IL18R1: variants seen among roughly 807,000 people sequenced by gnomAD.
IL18R1 encodes interleukin-18 receptor 1.
In IL18R1, 40 loss-of-function variants were observed where a neutral mutation model predicts 48.5. That is an observed-to-expected ratio of 0.82 (90% CI 0.64 to 1.07). The LOEUF is 1.07. IL18R1 is among the 50% of genes least tolerant of loss of function. The pLI is 0.00. For missense variants in IL18R1, 596 were observed against 633.7 expected (o/e 0.94, Z 0.64); for synonymous variants, 232 against 225.9 (o/e 1.03, Z -0.24).
chr2:102,360,676 T>C (rs771430089), intron 1 of IL18R1, among the ~76,000 whole-genome samples: 1 of 152,150 alleles, frequency 6.6e-6, no homozygotes, highest in Non-Finnish European at 1.5e-5. Flanking sequence ...ATCTCCTACA[T>C]TGAGTGTAAA....
chr2:102,369,724 A>G (rs923895839), intron 3 of IL18R1, among the ~76,000 whole-genome samples: 3 of 152,208 alleles, frequency 2.0e-5, no homozygotes, highest in Non-Finnish European at 4.4e-5. Context: ...TTGATGTGGG[A>G]TCTATCAGTG....
intron 7 of IL18R1, among the ~76,000 whole-genome samples, chr2:102,385,993 C>A (rs896378779): frequency 6.6e-6 from 1 of 152,214 alleles, no homozygotes; most frequent in African/African-American, 2.4e-5. Flanking sequence ...TTTGTCCTCT[C>A]AATGGCCTCC....
intron 5 of IL18R1, among the ~76,000 whole-genome samples, chr2:102,379,979 A>T (rs1278586105): frequency 6.6e-6 from 1 of 152,092 alleles, no homozygotes; most frequent in Non-Finnish European, 1.5e-5. Context: ...ATACTTTGGG[A>T]CTGTTTTTGG....
chr2:102,387,096 C>T, intron 8 of IL18R1, 96 bp downstream of exon 8: 1 of 1,318,220 alleles, frequency 7.6e-7, no homozygotes, highest in Non-Finnish European at 1.1e-6. Context: ...CACACCAGAA[C>T]CCAGCTCCTG....
intron 8 of IL18R1, 67 bp from the exon 9 acceptor site, chr2:102,389,989 G>A (rs377144148): frequency 6.5e-7 from 1 of 1,530,244 alleles, no homozygotes. Context: ...GGACAAGCAC[G>A]TGATGATGGA....
intron 6 of IL18R1, among the ~76,000 whole-genome samples, chr2:102,383,390 A>G (rs1397412818): frequency 6.6e-6 from 1 of 152,232 alleles, no homozygotes; most frequent in Non-Finnish European, 1.5e-5. Flanking sequence ...AGATGTGAAT[A>G]TCTCCAGCTA....
At chr2:102,362,797 G>A in intron 2 of IL18R1, 79 bp downstream of exon 2, 2 of 797,002 alleles carry the variant, frequency 2.5e-6, no homozygotes, top group Non-Finnish European at 4.1e-6. Context: ...TTTATGTGGT[G>A]GCTACTGAAG....
intron 3 of IL18R1, among the ~76,000 whole-genome samples, chr2:102,368,931 G>A (rs1339881488): frequency 6.6e-6 from 1 of 152,288 alleles, no homozygotes; most frequent in South Asian, 2.1e-4. Flanking sequence ...AGCAGAGTGA[G>A]CTACCACTGT....
At chr2:102,371,379 C>G (rs1170149368) in intron 3 of IL18R1, among the ~76,000 whole-genome samples, 1 of 152,134 alleles carries the variant, frequency 6.6e-6, no homozygotes, top group African/African-American at 2.4e-5. Flanking sequence ...ACTATAAAAT[C>G]TATTCACACT....
At chr2:102,396,499 TTAAA>T in intron 10 of IL18R1, 28 bp from the exon 11 acceptor site, 1 of 1,320,610 alleles carries the variant, frequency 7.6e-7, no homozygotes, top group African/African-American at 1.5e-5. Context: ...TTCAGTTATC[TTAAA>T]TTAATAGGGG....
Position 102,392,796 on chromosome 2 carries a change from ATTTCCTTTATAAT to A in IL18R1, c.1112-1662_1112-1650del, listed in dbSNP as rs554402335. Reference sequence around the variant, plus strand: ...GTCCCAAATATCCACTTGAATTATAATTTCCTTTATAATTTTCCTTTATGTTTGAATATAGAGA... The same window carrying A: ...GTCCCAAATATCCACTTGAATTATAATTTCCTTTATGTTTGAATATAGAGA... On this transcript the variant is annotated intron_variant, in intron 9 of 10. Coordinates refer to ENST00000233957, the MANE Select transcript of IL18R1 (RefSeq NM_003855.5). Among the ~76,000 whole-genome samples the A allele has an allele frequency of 1.8e-3, 279 of 152,254 alleles. 3 individuals are homozygous for A. The highest frequency in any genetic ancestry group is 6.3e-3 in the African/African-American group (260 of 41,542).
At position 102,394,565 on chromosome 2, in the gene IL18R1, T is replaced by C; in HGVS notation, c.1208T>C (p.Val403Ala). 1 of 1,613,492 alleles carries C rather than the reference T, an allele frequency of 6.2e-7. No individual in the cohort carries two copies. The highest frequency in any genetic ancestry group is 8.5e-7 in the Non-Finnish European group (1 of 1,179,570). ...TTTGCTGTGGAGATTTTGCCCAGGG[T>C]GTTGGAGAAACATTTTGGGTATAAG... is the stretch of plus-strand genomic sequence containing the variant. ...HTFAVEILPR[V>A]LEKHFGYKLC... The change falls in exon 10 of 11, where the codon GTG becomes GCG. Residue 403 changes from valine (V) to alanine (A), a missense_variant. Physicochemically the swap from Val to Ala is moderately conservative, Grantham distance 64. Transcript: ENST00000233957.
intron 8 of IL18R1, 70 bp from the exon 9 acceptor site, chr2:102,389,986 C>T: frequency 6.7e-7 from 1 of 1,491,414 alleles, no homozygotes; most frequent in Non-Finnish European, 9.2e-7. Context: ...AATGGACAAG[C>T]ACGTGATGAT....
intron 1 of IL18R1, among the ~76,000 whole-genome samples, chr2:102,359,721 A>G (rs1161342925): frequency 6.6e-6 from 1 of 152,218 alleles, no homozygotes; most frequent in Admixed American, 6.5e-5. Context: ...AGAGAATATG[A>G]ATATTGCAAC....
In IL18R1 at chr2:102,357,752, T is replaced by C. The variant is rs1042098238; in HGVS notation, c.-29+1352T>C. On this transcript the variant is annotated intron_variant, in intron 1 of 10. Transcript: ENST00000233957. The stretch of plus-strand genomic sequence containing the variant: ...CCCAGGTAGCACAGGCATAGGCAGA[T>C]TTGGGGGGAAGCATAAGGCTAACAA... Among the ~76,000 whole-genome samples the C allele has an allele frequency of 2.0e-5, 3 of 152,008 alleles. No individual in the cohort carries two copies. The South Asian group carries it at 6.2e-4, about 32-fold the overall frequency.
intron 9 of IL18R1, among the ~76,000 whole-genome samples, chr2:102,391,052 T>C (rs1680545279): frequency 6.6e-6 from 1 of 152,104 alleles, no homozygotes; most frequent in Non-Finnish European, 1.5e-5. Context: ...GCTGGCTCTA[T>C]GCCTCAGTTT....
At chr2:102,377,030 G>A (rs1679629291) in intron 5 of IL18R1, among the ~76,000 whole-genome samples, 1 of 152,228 alleles carries the variant, frequency 6.6e-6, no homozygotes, top group Non-Finnish European at 1.5e-5. Context: ...TTGAAGACAG[G>A]TTGCTTATCC....
At chr2:102,392,405 C>A (rs1478750888) in intron 9 of IL18R1, among the ~76,000 whole-genome samples, 2 of 152,142 alleles carry the variant, frequency 1.3e-5, no homozygotes, top group Non-Finnish European at 2.9e-5. Context: ...GCTAAGATTT[C>A]TTTTTTCCTT....
chr2:102,366,243 G>A (rs10197284), intron 2 of IL18R1, among the ~76,000 whole-genome samples: 117,830 of 152,126 alleles, frequency 0.77, 46,628 homozygotes, highest in African/African-American at 0.89. Context: ...CCAGATAATC[G>A]TCTCTCAAGT....
Sources: gnomAD v4.1 joint callset for allele counts (sites outside exome capture counted in the v4.1 genomes callset) on GRCh38, gnomAD v4.1.1 for gene constraint, MANE v1.5 for transcripts, NCBI Gene and HGNC (gene_info 2026-07-23, HGNC 2026-07-21) for gene names.